The following MEMO1 variants were observed in gnomAD, a reference collection of about 807,000 sequenced individuals.
MEMO1 encodes mediator of cell motility 1.
MEMO1 carries 6 observed loss-of-function variants against 45.2 expected under a neutral mutation model. The observed-to-expected ratio is 0.13, with a 90% CI of 0.07 to 0.26. The LOEUF (loss-of-function observed/expected upper bound fraction) is 0.26, where lower values mean the gene tolerates loss of function less well. Among genes scored for constraint, MEMO1 ranks in the 10% least tolerant of loss-of-function variants. The pLI, the probability that MEMO1 is intolerant of heterozygous loss-of-function variation, is 1.00. For missense variants in MEMO1, 184 were observed against 370.5 expected (o/e 0.50, Z 4.13); for synonymous variants, 78 against 124.3 (o/e 0.63, Z 2.48).
At chr2:31,936,197 T>G (rs1178068449) in intron 3 of MEMO1, among the ~76,000 whole-genome samples, 1 of 151,802 alleles carries the variant, frequency 6.6e-6, no homozygotes, top group Non-Finnish European at 1.5e-5. Flanking sequence ...CTCCTGACCT[T>G]GTGATCCGCC....
Position 32,010,169 on chromosome 2 carries a change from G to A in MEMO1, c.61+18C>T, listed in dbSNP as rs780088090. The A allele has an allele frequency of 2.0e-5, 26 of 1,316,316 alleles. 1 individual carries two copies. In the East Asian group the frequency reaches 2.2e-4, roughly 11 times the overall value. 81.5% of individuals were successfully genotyped at this position (1,316,316 alleles called of 1,614,324 possible). A position where few individuals can be genotyped will look rare whatever the true frequency, so the allele number is the denominator to read the frequency against. ...AGGCGGCGACGGCGGCGGGCGGGCC[G>A]GCGGCCTGGGGCCCTACCTGAGGCT... On this transcript the variant is annotated intron_variant, in intron 2 of 9. Transcript: ENST00000404530.
At chr2:31,943,499 A>C in intron 2 of MEMO1, 116 bp from the exon 3 acceptor site, 1 of 754,374 alleles carries the variant, frequency 1.3e-6, no homozygotes, top group Non-Finnish European at 2.4e-6. Flanking sequence ...AATGCGCAAT[A>C]GGATCATCAG....
At chr2:31,923,669 C>G (rs1682666605) in intron 4 of MEMO1, 1 of 1,546,678 alleles carries the variant, frequency 6.5e-7, no homozygotes, top group Non-Finnish European at 8.7e-7. Flanking sequence ...GGGCATTTTT[C>G]TGATTGAGGA....
At chr2:31,920,451 T>C (rs1263280475) in intron 5 of MEMO1, among the ~76,000 whole-genome samples, 6 of 152,160 alleles carry the variant, frequency 3.9e-5, no homozygotes, top group Admixed American at 3.9e-4. Flanking sequence ...TGGCGTTACA[T>C]GGAAGTAAAT....
intron 3 of MEMO1, among the ~76,000 whole-genome samples, chr2:31,941,254 T>C (rs1434453643): frequency 6.6e-6 from 1 of 152,160 alleles, no homozygotes; most frequent in Non-Finnish European, 1.5e-5. Context: ...ACACTAAGCA[T>C]ACTCTTGTTC....
At chr2:31,868,836 C>T (rs964036913) in intron 9 of MEMO1, among the ~76,000 whole-genome samples, 7 of 152,102 alleles carry the variant, frequency 4.6e-5, no homozygotes, top group Admixed American at 1.3e-4. Flanking sequence ...TGTCTTAAGA[C>T]GTCGGAGTCT....
intron 2 of MEMO1, among the ~76,000 whole-genome samples, chr2:31,969,403 A>G (rs1462349068): frequency 1.4e-5 from 2 of 140,132 alleles, no homozygotes; most frequent in East Asian, 4.1e-4. Flanking sequence ...ACGTGTATAT[A>G]CATATATACA....
intron 6 of MEMO1, among the ~76,000 whole-genome samples, chr2:31,899,039 C>T (rs1678340610): frequency 6.6e-6 from 1 of 151,964 alleles, no homozygotes; most frequent in African/African-American, 2.4e-5. Flanking sequence ...TAAGAGAGAA[C>T]ACAAACAAAT....
intron 2 of MEMO1, among the ~76,000 whole-genome samples, chr2:31,961,239 T>C (rs951603577): frequency 6.6e-6 from 1 of 151,956 alleles, no homozygotes. Context: ...GTGCCTATAA[T>C]CTCAGCTACT....
At chr2:31,919,340 A>G (rs1681933028) in intron 5 of MEMO1, among the ~76,000 whole-genome samples, 1 of 151,856 alleles carries the variant, frequency 6.6e-6, no homozygotes, top group Non-Finnish European at 1.5e-5. Context: ...TTTTGTACAG[A>G]TGGGGTTTTG....
At chr2:31,871,518 CATAT>C (rs34717368) in intron 8 of MEMO1, among the ~76,000 whole-genome samples, 12 of 119,014 alleles carry the variant, frequency 1.0e-4, no homozygotes, top group East Asian at 4.6e-4. Context: ...CACACACACA[CATAT>C]ATATATATCT....
intron 4 of MEMO1, among the ~76,000 whole-genome samples, chr2:31,924,175 G>GAAAAGTAAAAAGAAAA (rs1368153882): frequency 2.0e-5 from 3 of 151,820 alleles, no homozygotes; most frequent in Non-Finnish European, 2.9e-5. Context: ...AAGTAAAATG[G>GAAAAGTAAAAAGAAAA]GACATTTAAA....
At chr2:31,977,948 A>G (rs1670195995) in intron 2 of MEMO1, among the ~76,000 whole-genome samples, 1 of 152,186 alleles carries the variant, frequency 6.6e-6, no homozygotes, top group Non-Finnish European at 1.5e-5. Flanking sequence ...ATATTGCTTT[A>G]TTAAAACTTA....
intron 3 of MEMO1, among the ~76,000 whole-genome samples, chr2:31,938,413 G>A (rs536069708): frequency 2.6e-5 from 4 of 151,912 alleles, no homozygotes; most frequent in African/African-American, 9.7e-5. Context: ...TTGGGAGGCC[G>A]AGGCAGGCGG....
At chr2:31,968,687 G>A (rs1668917548) in intron 2 of MEMO1, among the ~76,000 whole-genome samples, 2 of 152,098 alleles carry the variant, frequency 1.3e-5, no homozygotes, top group African/African-American at 4.8e-5. Context: ...CAATCTCCAT[G>A]CTTTCCCGAA....
intron 8 of MEMO1, among the ~76,000 whole-genome samples, chr2:31,879,076 G>A (rs1361672577): frequency 6.6e-6 from 1 of 152,058 alleles, no homozygotes; most frequent in Admixed American, 6.5e-5. Context: ...CCTGGATCTC[G>A]TCATCTACCA....
At chr2:32,008,854 C>T (rs1674431973) in intron 2 of MEMO1, among the ~76,000 whole-genome samples, 1 of 152,134 alleles carries the variant, frequency 6.6e-6, no homozygotes, top group Non-Finnish European at 1.5e-5. Context: ...CAGTAAGGTA[C>T]ATGTATTTAA....
At chr2:31,881,762 C>T in intron 8 of MEMO1, among the ~76,000 whole-genome samples, 1 of 152,088 alleles carries the variant, frequency 6.6e-6, no homozygotes, top group East Asian at 1.9e-4. Context: ...AATCCCAGCA[C>T]TCTGGGAGGC....
intron 2 of MEMO1, among the ~76,000 whole-genome samples, chr2:31,993,038 T>A (rs982548208): frequency 6.6e-6 from 1 of 152,160 alleles, no homozygotes; most frequent in Admixed American, 6.5e-5. Context: ...CTACAAATAG[T>A]GGCACATGCC....
Sources: gnomAD v4.1 joint callset for allele counts (sites outside exome capture counted in the v4.1 genomes callset) on GRCh38, gnomAD v4.1.1 for gene constraint, MANE v1.5 for transcripts, NCBI Gene and HGNC (gene_info 2026-07-23, HGNC 2026-07-21) for gene names.